Variants in RPS6KA2 observed in about 807,000 individuals in gnomAD.
RPS6KA2 encodes the protein ribosomal protein S6 kinase A2.
In RPS6KA2, 42 loss-of-function variants were observed where a neutral mutation model predicts 91.8. The observed-to-expected ratio is 0.46, with a 90% confidence interval of 0.36 to 0.59. RPS6KA2 has a LOEUF of 0.59. Ranked by LOEUF, RPS6KA2 falls within the 20% of genes least tolerant of loss-of-function variation. The probability of loss-of-function intolerance (pLI) is 0.00; values close to 1 mark genes in which losing one functional copy is unlikely to be tolerated. For synonymous variants in RPS6KA2, 414 were observed against 393.6 expected (o/e 1.05, Z -0.61); for missense variants, 798 against 978.5 (o/e 0.82, Z 2.46).
chr6:166,714,988 C>G (rs1038212792), intron 2 of RPS6KA2, among the ~76,000 whole-genome samples: 1 of 152,248 alleles, frequency 6.6e-6, no homozygotes, highest in Non-Finnish European at 1.5e-5. Context: ...GGCCTGTGCT[C>G]CTTCTTCAGC....
In RPS6KA2 at chr6:166,537,431, A is replaced by G. The variant is rs550009223; in HGVS notation, c.216+1237T>C. 1.8e-3 allele frequency among the ~76,000 whole-genome samples: 280 copies of G among 152,336 alleles called. 2 individuals carry two copies. The highest frequency in any genetic ancestry group is 3.4e-3 in the Middle Eastern group (1 of 294). On this transcript the variant is annotated intron_variant, in intron 2 of 20. Coordinates refer to ENST00000265678, the MANE Select transcript of RPS6KA2 (RefSeq NM_021135.6). ...AACATCGTGAGAAACTGAAATCTTC[A>G]TCCCCCTATTTCATAAACACCATAT...
At position 166,412,841 on chromosome 6, in the gene RPS6KA2, G is replaced by T. The variant is rs1332181842; in HGVS notation, c.2123C>A (p.Ala708Asp). 2 of 1,571,808 alleles carry T rather than the reference G, an allele frequency of 1.3e-6. No individual in the cohort carries two copies. The highest frequency in any genetic ancestry group is 1.7e-6 in the Non-Finnish European group (2 of 1,158,482). The change falls in exon 21 of 21, where the codon GCC (alanine) becomes GAC (aspartate). Residue 708 changes from alanine (A) to aspartate (D), a missense_variant. Physicochemically the swap from Ala to Asp is moderately radical, Grantham distance 126 (BLOSUM62 -2). Transcript: ENST00000265678. This position sits in a 1 kb window ranked among gnomAD's most constrained non-coding sequence, Gnocchi z 4.3. ...TYFALNRTPQAPRLEPVLSSN... is the reference protein window; with the variant it reads ...TYFALNRTPQDPRLEPVLSSN... ...TGACAGCACGGGCTCCAGCCGCGGG[G>T]CCTGAGGTGTTCTGTTTAGAGCAAA...
At position 166,732,006 on chromosome 6, in the gene RPS6KA2, CAT is replaced by C. The variant is rs1341247237; in HGVS notation, c.123+126192_123+126193del. Among the ~76,000 whole-genome samples the C allele has an allele frequency of 6.6e-6, 1 of 152,088 alleles. No individual in the cohort carries two copies. Among genetic ancestry groups the C allele is most frequent in the Admixed American group, 6.5e-5 (1 of 15,268 alleles). Reference sequence around the variant, plus strand: ...AGTACAAAAGTAGATGGAAAGGCCTCATAGAAATTTTTTATTAGTGGTGGCTA... The same window carrying C: ...AGTACAAAAGTAGATGGAAAGGCCTCAGAAATTTTTTATTAGTGGTGGCTA... On this transcript the variant is annotated intron_variant, in intron 2 of 21. Transcript: ENST00000503859. The surrounding 1 kb of genome is among the most constrained non-coding windows in gnomAD (Gnocchi z 4.0).
intron 2 of RPS6KA2, among the ~76,000 whole-genome samples, chr6:166,704,107 G>A (rs7766302): frequency 3.5e-4 from 53 of 152,212 alleles, no homozygotes; most frequent in African/African-American, 5.5e-4. Context: ...AGTTATATCC[G>A]GAAAAGAACA....
At chr6:166,839,254 G>A (rs982069932) in intron 2 of RPS6KA2, among the ~76,000 whole-genome samples, 1 of 152,128 alleles carries the variant, frequency 6.6e-6, no homozygotes, top group African/African-American at 2.4e-5. Flanking sequence ...AGCTGGTTAT[G>A]TTCAAAGTAG....
At chr6:166,671,824 C>T (rs1027249721) in intron 2 of RPS6KA2, among the ~76,000 whole-genome samples, 4 of 152,076 alleles carry the variant, frequency 2.6e-5, no homozygotes, top group Admixed American at 6.5e-5. Context: ...TGGCCAGAGC[C>T]GGGATCTCAG....
At chr6:166,444,468 T>C (rs1779614818) in intron 14 of RPS6KA2, among the ~76,000 whole-genome samples, 1 of 152,188 alleles carries the variant, frequency 6.6e-6, no homozygotes, top group Non-Finnish European at 1.5e-5. Context: ...TGGCTTGTAG[T>C]TATTAGAAAG....
At position 166,448,906 on chromosome 6, in the gene RPS6KA2, C is replaced by T; in HGVS notation, c.1207-57G>A. ...GGAACCCTCACACGAGGGGACGGTG[C>T]AGCTACACGCACACAGAATGTGGGG... On this transcript the variant is annotated intron_variant, in intron 13 of 20. Transcript: ENST00000265678. This position sits in a 1 kb window ranked among gnomAD's most constrained non-coding sequence, Gnocchi z 4.7. The T allele has an allele frequency of 6.3e-7, 1 of 1,594,064 alleles. No individual in the cohort carries two copies. The highest frequency in any genetic ancestry group is 1.1e-5 in the South Asian group (1 of 89,118).
chr6:166,836,169 T>C (rs1016034921), intron 2 of RPS6KA2, among the ~76,000 whole-genome samples: 2 of 152,118 alleles, frequency 1.3e-5, no homozygotes, highest in African/African-American at 4.8e-5. Context: ...TAAGTGTATA[T>C]TTAGGAGAGA....
chr6:166,488,975 A>G, intron 9 of RPS6KA2, 54 bp from the exon 10 acceptor site: 1 of 1,446,232 alleles, frequency 6.9e-7, no homozygotes, highest in South Asian at 1.2e-5. Flanking sequence ...AGGACAAGCT[A>G]TAAAGAGGGC....
chr6:166,692,573 A>T (rs1434546211), intron 2 of RPS6KA2, among the ~76,000 whole-genome samples: 1 of 152,210 alleles, frequency 6.6e-6, no homozygotes, highest in Non-Finnish European at 1.5e-5. Context: ...AGAAAACATG[A>T]GAAAATTGGA....
At chr6:166,707,679 AG>A (rs1351581443) in intron 2 of RPS6KA2, among the ~76,000 whole-genome samples, 2 of 152,224 alleles carry the variant, frequency 1.3e-5, no homozygotes, top group Non-Finnish European at 2.9e-5. Context: ...GTATAAATAT[AG>A]TACCTTAATT....
At chr6:166,510,943 C>A (rs1782461618) in intron 3 of RPS6KA2, among the ~76,000 whole-genome samples, 3 of 152,110 alleles carry the variant, frequency 2.0e-5, no homozygotes, top group Admixed American at 1.3e-4. Context: ...CAGTTTTCGT[C>A]TGTAGAATGT....
intron 10 of RPS6KA2, among the ~76,000 whole-genome samples, chr6:166,478,151 C>T (rs896911086): frequency 1.3e-5 from 2 of 152,140 alleles, no homozygotes; most frequent in African/African-American, 4.8e-5. Flanking sequence ...TGGGCGGGGG[C>T]GGTTACCATG....
At chr6:166,720,123 A>C (rs186453742) in intron 2 of RPS6KA2, among the ~76,000 whole-genome samples, 204 of 152,320 alleles carry the variant, frequency 1.3e-3, no homozygotes, top group African/African-American at 4.9e-3. Flanking sequence ...AATTCAAGGC[A>C]CACTTTTAAA....
rs1019145830 is a variant in RPS6KA2, at chr6:166,733,287, G to A, written c.123+124913C>T. Among the ~76,000 whole-genome samples, 1 of 152,206 alleles carries A rather than the reference G, an allele frequency of 6.6e-6. No individual in the cohort carries two copies. The highest frequency in any genetic ancestry group is 2.4e-5 in the African/African-American group (1 of 41,446). Reference sequence around the variant, plus strand: ...GTTCCCAAAGTCACAGACCCTTTATGGACATGCAGGACTGATGCCGCCACT... The same window carrying A: ...GTTCCCAAAGTCACAGACCCTTTATAGACATGCAGGACTGATGCCGCCACT... On this transcript the variant is annotated intron_variant, in intron 2 of 21. Coordinates refer to the RPS6KA2 transcript ENST00000503859. The surrounding 1 kb of genome is among the most constrained non-coding windows in gnomAD (Gnocchi z 4.1).
intron 10 of RPS6KA2, among the ~76,000 whole-genome samples, chr6:166,480,492 T>TA (rs1333893365): frequency 2.3e-4 from 17 of 73,598 alleles, no homozygotes; most frequent in African/African-American, 7.6e-4. Flanking sequence ...TATATATATA[T>TA]ATATATATAT....
chr6:166,663,376 T>G (rs2128558367), intron 2 of RPS6KA2, among the ~76,000 whole-genome samples: 1 of 152,276 alleles, frequency 6.6e-6, no homozygotes, highest in Non-Finnish European at 1.5e-5. Context: ...CATAGTGCTC[T>G]GCAGCCCACC....
rs763781264 is a variant in RPS6KA2, at chr6:166,531,215, C to T, written c.298+17G>A. ...GTTACCTGTCTCTGAAGCAGCCGGC[C>T]CTTCCGAAGCTCTTACCTTTTAGGG... On this transcript the variant is annotated intron_variant, in intron 3 of 20. Transcript: ENST00000265678. 3.8e-6 allele frequency: 6 copies of T among 1,589,744 alleles called. No individual in the cohort carries two copies. The African/African-American group carries it at 6.7e-5, about 18-fold the overall frequency.
Sources: allele counts gnomAD v4.1 joint callset (sites outside exome capture counted in the v4.1 genomes callset), GRCh38; gene constraint gnomAD v4.1.1; non-coding constraint Gnocchi (gnomAD v3.1); transcripts MANE v1.5; gene names NCBI Gene and HGNC (gene_info 2026-07-23, HGNC 2026-07-21).